The following MACROD2 variants were observed in gnomAD, a reference collection of about 807,000 sequenced individuals.
MACROD2 encodes mono-ADP ribosylhydrolase 2, also known as ADP-ribose glycohydrolase MACROD2.
A neutral mutation model predicts 70.4 loss-of-function variants in MACROD2; 36 were observed. The observed-to-expected ratio is 0.51, with a 90% CI of 0.39 to 0.68. The LOEUF (loss-of-function observed/expected upper bound fraction) is 0.68. MACROD2 is among the 30% of genes least tolerant of loss of function. The pLI is 0.00. For missense variants in MACROD2, 496 were observed against 538.4 expected (o/e 0.92, Z 0.78); for synonymous variants, 172 against 178.8 (o/e 0.96, Z 0.30).
At chr20:15,152,191 G>A (rs1440035416) in intron 5 of MACROD2, among the ~76,000 whole-genome samples, 2 of 151,978 alleles carry the variant, frequency 1.3e-5, no homozygotes, top group Non-Finnish European at 2.9e-5. Context: ...AGTTTGTATT[G>A]GGGTCAAGCG....
intron 6 of MACROD2, among the ~76,000 whole-genome samples, chr20:15,247,660 C>T (rs1038899771): frequency 1.1e-4 from 17 of 151,738 alleles, no homozygotes; most frequent in East Asian, 5.8e-4. Context: ...CAGCACCCTG[C>T]GTATAGAGAG....
At chr20:15,755,106 G>T (rs972990901) in intron 8 of MACROD2, among the ~76,000 whole-genome samples, 13 of 152,100 alleles carry the variant, frequency 8.5e-5, no homozygotes, top group African/African-American at 2.9e-4. Context: ...TGATCCACCT[G>T]CATCGGCCTC....
At position 15,923,748 on chromosome 20, in the gene MACROD2, C is replaced by T. The variant is rs1305455169; in HGVS notation, c.776-9528C>T. Among the ~76,000 whole-genome samples the T allele has an allele frequency of 2.6e-5, 4 of 151,136 alleles. No homozygotes were observed. The East Asian group carries it at 7.7e-4, about 29-fold the overall frequency. On this transcript the variant is annotated intron_variant, in intron 10 of 17. Coordinates refer to ENST00000684519, the MANE Select transcript of MACROD2 (RefSeq NM_001351661.2). The stretch of plus-strand genomic sequence containing the variant: ...GCAGGAGATCTTAGACAAGAGCTTC[C>T]TGTGCCTAAAATTCCACACAAACAA...
In MACROD2 at chr20:15,379,936, C is replaced by A. The variant is rs1028030533; in HGVS notation, c.541-51469C>A. ...CTCTGCGTATTGTGAACCTAACTTTCTGATTTCTTCTCCTACTCCAGGATT... is the reference window on the plus strand; with the variant it reads ...CTCTGCGTATTGTGAACCTAACTTTATGATTTCTTCTCCTACTCCAGGATT... On this transcript the variant is annotated intron_variant, in intron 6 of 17. Coordinates refer to ENST00000684519, the MANE Select transcript of MACROD2 (RefSeq NM_001351661.2). Among the ~76,000 whole-genome samples, 32 of 152,178 alleles carry A rather than the reference C, an allele frequency of 2.1e-4. 1 individual carries two copies. The highest frequency in any genetic ancestry group is 5.2e-4 in the Admixed American group (8 of 15,274).
At chr20:15,741,786 C>G (rs1323618521) in intron 8 of MACROD2, among the ~76,000 whole-genome samples, 1 of 152,026 alleles carries the variant, frequency 6.6e-6, no homozygotes, top group Non-Finnish European at 1.5e-5. Context: ...ACTCACTCCT[C>G]CCCACTAAAA....
rs2055153631 is a variant in MACROD2 at position 14,159,537 on chromosome 20, G to C, written c.271+73809G>C. 2.6e-5 allele frequency among the ~76,000 whole-genome samples: 4 copies of C among 152,168 alleles called. No homozygotes were observed. The South Asian group carries it at 8.3e-4, about 32-fold the overall frequency. ...CTTTTTCAGCTAGTTTGATATTTATGTATAAAAATGCTACTGATTTTTGCA... is the reference window on the plus strand; with the variant it reads ...CTTTTTCAGCTAGTTTGATATTTATCTATAAAAATGCTACTGATTTTTGCA... On this transcript the variant is annotated intron_variant, in intron 3 of 17. Coordinates refer to ENST00000684519, the MANE Select transcript of MACROD2 (RefSeq NM_001351661.2).
chr20:14,706,949 C>G (rs960753168), intron 5 of MACROD2, among the ~76,000 whole-genome samples: 1 of 152,100 alleles, frequency 6.6e-6, no homozygotes, highest in African/African-American at 2.4e-5. Flanking sequence ...AAATAGGATG[C>G]AGAAAGCTAG....
chr20:15,461,004 A>ATTT lies in MACROD2; in HGVS notation c.571+29570_571+29571insTTT, dbSNP rs1441910465. Among the ~76,000 whole-genome samples the ATTT allele has an allele frequency of 5.3e-3, 254 of 47,758 alleles. 1 individual carries two copies. Among genetic ancestry groups the ATTT allele is most frequent in the East Asian group, 0.052 (41 of 794 alleles). 31.3% of individuals were successfully genotyped at this position (47,758 alleles called of 152,430 possible). On this transcript the variant is annotated intron_variant, in intron 7 of 17. Transcript: ENST00000684519. ...TATATATATATATATATATATATAT[A>ATTT]TATTTTTTTTTAATAGATGGGGTCT...
intron 5 of MACROD2, among the ~76,000 whole-genome samples, chr20:14,864,407 A>C (rs1178978342): frequency 6.6e-6 from 1 of 152,092 alleles, no homozygotes; most frequent in Non-Finnish European, 1.5e-5. Context: ...CTTTATATGG[A>C]TTTATAAATC....
intron 3 of MACROD2, among the ~76,000 whole-genome samples, chr20:14,260,854 A>C (rs1254639030): frequency 2.0e-5 from 3 of 152,366 alleles, no homozygotes; most frequent in African/African-American, 7.2e-5. Flanking sequence ...TAAGTATAAC[A>C]AACACTGATG....
At chr20:15,252,082 G>A (rs1349298324) in intron 6 of MACROD2, among the ~76,000 whole-genome samples, 2 of 152,170 alleles carry the variant, frequency 1.3e-5, no homozygotes, top group East Asian at 3.8e-4. Context: ...CAGATTTTAG[G>A]CAGCATGTGA....
intron 4 of MACROD2, among the ~76,000 whole-genome samples, chr20:14,523,218 G>C (rs759182094): frequency 6.6e-6 from 1 of 152,086 alleles, no homozygotes; most frequent in Non-Finnish European, 1.5e-5. Context: ...ACCTTTCGAG[G>C]CCTCACCAAT....
Position 14,072,115 on chromosome 20 carries a change from A to G in MACROD2, c.164-13506A>G, listed in dbSNP as rs563512661. On this transcript the variant is annotated intron_variant, in intron 2 of 17. Transcript: ENST00000684519. Reference sequence around the variant, plus strand: ...TATTTTCTAGTACTTGGTGTGTTGTATGTTATAAAATTTTGTCAAATAGTA... The same window carrying G: ...TATTTTCTAGTACTTGGTGTGTTGTGTGTTATAAAATTTTGTCAAATAGTA... 6.6e-4 allele frequency among the ~76,000 whole-genome samples: 101 copies of G among 152,324 alleles called. 1 individual carries two copies. Among genetic ancestry groups the G allele is most frequent in the African/African-American group, 2.3e-3 (96 of 41,586 alleles).
chr20:15,519,101 TCC>T (rs2047611840), intron 8 of MACROD2, among the ~76,000 whole-genome samples: 4 of 148,264 alleles, frequency 2.7e-5, no homozygotes, highest in African/African-American at 1.0e-4. Flanking sequence ...CTTCCTTCCT[TCC>T]TTCCTTCCTT....
chr20:14,256,175 C>T (rs1014293674), intron 3 of MACROD2, among the ~76,000 whole-genome samples: 3 of 152,078 alleles, frequency 2.0e-5, no homozygotes, highest in African/African-American at 4.8e-5. Flanking sequence ...TTTTTAGCTG[C>T]ATCTAATCAG....
chr20:15,863,325 G>A (rs2064450408), intron 9 of MACROD2, among the ~76,000 whole-genome samples: 1 of 152,102 alleles, frequency 6.6e-6, no homozygotes, highest in Non-Finnish European at 1.5e-5. Context: ...AGCACTTCTA[G>A]TGCAGTCTGA....
At chr20:15,799,020 C>A (rs1174340026) in intron 8 of MACROD2, among the ~76,000 whole-genome samples, 1 of 149,718 alleles carries the variant, frequency 6.7e-6, no homozygotes, top group Non-Finnish European at 1.5e-5. Context: ...TTAGCAAAGA[C>A]CTTTAATTTC....
chr20:14,251,359 T>G (rs754031745), intron 3 of MACROD2, among the ~76,000 whole-genome samples: 91 of 152,152 alleles, frequency 6.0e-4, no homozygotes, highest in Admixed American at 3.2e-3. Context: ...TGTTTGTATA[T>G]TTGTCATTAA....
chr20:14,280,004 C>T (rs2082294061), intron 3 of MACROD2, among the ~76,000 whole-genome samples: 2 of 152,144 alleles, frequency 1.3e-5, no homozygotes, highest in Non-Finnish European at 2.9e-5. Context: ...GAGGGTATCA[C>T]TTTCAATTCT....
Sources: allele counts gnomAD v4.1 joint callset (sites outside exome capture counted in the v4.1 genomes callset), GRCh38; gene constraint gnomAD v4.1.1; transcripts MANE v1.5; gene names NCBI Gene and HGNC (gene_info 2026-07-23, HGNC 2026-07-21).